DIP2C: variants seen among roughly 807,000 people sequenced by gnomAD.
The protein encoded by DIP2C is disco-interacting protein 2 homolog C.
DIP2C carries 33 observed loss-of-function variants against 192.4 expected under a neutral mutation model. The ratio of observed to expected loss-of-function variants is 0.17; its 90% CI spans 0.13 to 0.23. The LOEUF (loss-of-function observed/expected upper bound fraction) is 0.23. Ranked by LOEUF, DIP2C falls within the 10% of genes least tolerant of loss-of-function variation. The pLI is 1.00. For synonymous variants in DIP2C, 979 were observed against 864.1 expected (o/e 1.13, Z -2.33); for missense variants, 1,537 against 2,110.1 (o/e 0.73, Z 5.32).
Position 689,499 on chromosome 10 carries a change from G to A in DIP2C, c.80C>T (p.Ser27Leu). The change falls in exon 1 of 37, where the codon TCG (serine) becomes TTG (leucine). Residue 27 changes from serine (S) to leucine (L), a missense_variant. Physicochemically the swap from Ser to Leu is moderately radical, Grantham distance 145. Around this residue, in one of 4 missense-constraint regions of DIP2C, gnomAD observed 473 missense variants for 539.6 expected, o/e 0.88. Coordinates refer to ENST00000280886, the MANE Select transcript of DIP2C (RefSeq NM_014974.3). The surrounding 1 kb of genome is among the most constrained non-coding windows in gnomAD (Gnocchi z 6.1). ...ARLAELELEL[S>L]EGDITQKGYE... ...CGGGGCGGGGGCCCGGTTACCTTCC[G>A]ACAGCTCCAGCTCCAGCTCGGCCAG... 1 of 1,264,116 alleles carries A rather than the reference G, an allele frequency of 7.9e-7. No individual in the cohort carries two copies. The highest frequency in any genetic ancestry group is 1.0e-6 in the Non-Finnish European group (1 of 985,722). The allele number at this position is 1,264,116 out of a possible 1,614,324, so 78.3% of individuals were successfully genotyped here.
intron 1 of DIP2C, among the ~76,000 whole-genome samples, chr10:578,572 C>T (rs995030489): frequency 6.6e-6 from 1 of 152,212 alleles, no homozygotes; most frequent in Non-Finnish European, 1.5e-5. Flanking sequence ...ATCTACTAAC[C>T]TGCCAAATTT....
chr10:289,425 C>T lies in DIP2C; in HGVS notation c.3987-1004G>A, dbSNP rs537946343. On this transcript the variant is annotated intron_variant, in intron 32 of 36. Coordinates refer to ENST00000280886, the MANE Select transcript of DIP2C (RefSeq NM_014974.3). The stretch of plus-strand genomic sequence containing the variant: ...CTAGGGCTACAGGTGTGTACTACCA[C>T]ATCTGGATAACTTTTAAGTTTCTGT... Among the ~76,000 whole-genome samples the T allele has an allele frequency of 5.3e-5, 8 of 152,304 alleles. No homozygotes were observed. In the South Asian group the frequency reaches 1.7e-3, roughly 32 times the overall value.
At chr10:356,005 G>C (rs1959063283) in intron 24 of DIP2C, among the ~76,000 whole-genome samples, 2 of 152,220 alleles carry the variant, frequency 1.3e-5, no homozygotes, top group African/African-American at 2.4e-5. Context: ...GCTTCAACCA[G>C]GGAGGTGGAG....
intron 1 of DIP2C, among the ~76,000 whole-genome samples, chr10:606,057 G>T (rs924473553): frequency 1.3e-5 from 2 of 152,178 alleles, no homozygotes; most frequent in African/African-American, 4.8e-5. Flanking sequence ...TCTTCCTGGC[G>T]AGAACCCCCG....
chr10:542,058 A>ACC (rs575660479), intron 1 of DIP2C, among the ~76,000 whole-genome samples: 8 of 151,608 alleles, frequency 5.3e-5, no homozygotes, highest in African/African-American at 1.9e-4. Context: ...GCCGGCACCC[A>ACC]CCCCTACAAC....
At chr10:624,187 C>T (rs895922531) in intron 1 of DIP2C, among the ~76,000 whole-genome samples, 4 of 152,242 alleles carry the variant, frequency 2.6e-5, no homozygotes, top group Admixed American at 6.5e-5. Context: ...TCTGTTATCT[C>T]GGTCCCAGGG....
At chr10:638,870 T>A (rs1359574092) in intron 1 of DIP2C, among the ~76,000 whole-genome samples, 1 of 152,206 alleles carries the variant, frequency 6.6e-6, no homozygotes, top group Non-Finnish European at 1.5e-5. Context: ...CAGGACAGGC[T>A]CTAATTCCGC....
chr10:546,855 A>G (rs1000834924), intron 1 of DIP2C, among the ~76,000 whole-genome samples: 2 of 152,192 alleles, frequency 1.3e-5, no homozygotes, highest in African/African-American at 2.4e-5. Flanking sequence ...CAAGATTTGT[A>G]TATTTTAATA....
At chr10:381,489 G>A (rs1017524082) in intron 17 of DIP2C, among the ~76,000 whole-genome samples, 2 of 152,192 alleles carry the variant, frequency 1.3e-5, no homozygotes, top group Non-Finnish European at 2.9e-5. Flanking sequence ...ACTGAAGCCA[G>A]CTCCAGGGAG....
intron 29 of DIP2C, among the ~76,000 whole-genome samples, chr10:338,824 G>A (rs1349649782): frequency 1.4e-5 from 2 of 139,650 alleles, no homozygotes; most frequent in Non-Finnish European, 3.1e-5. Context: ...CACAGCCCAC[G>A]CCACCTGCAC....
chr10:380,466 G>C (rs12772595), intron 17 of DIP2C, among the ~76,000 whole-genome samples: 14 of 147,766 alleles, frequency 9.5e-5, no homozygotes, highest in African/African-American at 2.7e-4. Context: ...ATGGTTAACA[G>C]GCAGAAGAGG....
chr10:420,225 A>C (rs1966088955), intron 5 of DIP2C, among the ~76,000 whole-genome samples: 2 of 152,220 alleles, frequency 1.3e-5, no homozygotes, highest in African/African-American at 4.8e-5. Flanking sequence ...GAACGCACAA[A>C]AACAGGACAC....
intron 9 of DIP2C, among the ~76,000 whole-genome samples, chr10:405,651 C>A (rs975484164): frequency 2.6e-5 from 4 of 152,194 alleles, no homozygotes; most frequent in African/African-American, 9.7e-5. Context: ...CAAAGACGCT[C>A]GATTTTTGTA....
chr10:439,718 G>A (rs1416767321), intron 4 of DIP2C, among the ~76,000 whole-genome samples: 1 of 150,450 alleles, frequency 6.6e-6, no homozygotes, highest in Non-Finnish European at 1.5e-5. Flanking sequence ...GTATAAAGGT[G>A]AATACTCAGG....
chr10:310,806 A>G (rs1422014977), intron 31 of DIP2C, among the ~76,000 whole-genome samples: 1 of 152,218 alleles, frequency 6.6e-6, no homozygotes, highest in African/African-American at 2.4e-5. Flanking sequence ...ACAGAAGAGC[A>G]GCATCACGAA....
At chr10:577,766 G>A (rs1043574105) in intron 1 of DIP2C, among the ~76,000 whole-genome samples, 5 of 151,946 alleles carry the variant, frequency 3.3e-5, no homozygotes, top group African/African-American at 1.2e-4. Flanking sequence ...CTAGTAAGAG[G>A]AACTTGGCTG....
intron 32 of DIP2C, among the ~76,000 whole-genome samples, chr10:289,833 G>A (rs902487594): frequency 6.6e-6 from 1 of 152,180 alleles, no homozygotes; most frequent in African/African-American, 2.4e-5. Flanking sequence ...CCAGCAGTGT[G>A]GTAGGTGGCA....
Position 475,440 on chromosome 10 carries a change from C to T in DIP2C, c.158-2891G>A, listed in dbSNP as rs897426776. ...TGTTTCACCTTCAATCTCAGTACCA[C>T]ACCTATCTGGTCCACTCAAACAGGC... On this transcript the variant is annotated intron_variant, in intron 2 of 36. Coordinates refer to ENST00000280886, the MANE Select transcript of DIP2C (RefSeq NM_014974.3). Among the ~76,000 whole-genome samples, 7 of 152,288 alleles carry T rather than the reference C, an allele frequency of 4.6e-5. 1 individual carries two copies. Among genetic ancestry groups the T allele is most frequent in the Admixed American group, 4.6e-4 (7 of 15,290 alleles).
Position 327,144 on chromosome 10 carries a change from G to C in DIP2C, c.3786C>G (p.Thr1262=). The change falls in exon 31 of 37, where the codon ACC becomes ACG. Residue 1262 remains threonine, a synonymous_variant. Coordinates refer to ENST00000280886, the MANE Select transcript of DIP2C (RefSeq NM_014974.3). ...ARGLDLSRVR[T]CVVVAEERPR... is the part of the protein sequence containing the mutation. ...GCCTCTCTTCCGCCACAACCACGCA[G>C]GTCCTCACTCGGGACAAGTCCAGCC... The C allele has an allele frequency of 6.2e-7, 1 of 1,614,052 alleles. No individual in the cohort carries two copies. Among genetic ancestry groups the C allele is most frequent in the Non-Finnish European group, 8.5e-7 (1 of 1,180,040 alleles).
Sources: allele counts gnomAD v4.1 joint callset (sites outside exome capture counted in the v4.1 genomes callset), GRCh38; gene constraint gnomAD v4.1.1; regional missense constraint gnomAD v4.1.1; non-coding constraint Gnocchi (gnomAD v3.1); transcripts MANE v1.5; gene names NCBI Gene and HGNC (gene_info 2026-07-23, HGNC 2026-07-21).